The following KIF21A variants were observed in gnomAD, a reference collection of about 807,000 sequenced individuals.
The protein encoded by KIF21A is kinesin-like protein KIF21A.
KIF21A carries 114 observed loss-of-function variants against 202.9 expected under a neutral mutation model. The observed-to-expected ratio is 0.56, with a 90% confidence interval of 0.48 to 0.66. KIF21A has a LOEUF of 0.66. Among genes scored for constraint, KIF21A ranks in the 30% least tolerant of loss-of-function variants. The probability of loss-of-function intolerance (pLI) is 0.00; values close to 1 mark genes in which losing one functional copy is unlikely to be tolerated. For missense variants in KIF21A, 1,677 were observed against 1,994.9 expected (o/e 0.84, Z 3.04); for synonymous variants, 667 against 670.8 (o/e 0.99, Z 0.09).
At chr12:39,296,559 G>C (rs1050515175) in intron 37 of KIF21A, among the ~76,000 whole-genome samples, 1 of 152,170 alleles carries the variant, frequency 6.6e-6, no homozygotes, top group African/African-American at 2.4e-5. Flanking sequence ...AGGGGACCTG[G>C]AGTGCTAGGT....
chr12:39,325,194 A>C (rs1372297355), intron 26 of KIF21A, among the ~76,000 whole-genome samples: 3 of 152,216 alleles, frequency 2.0e-5, no homozygotes, highest in African/African-American at 7.2e-5. Context: ...ATCTCCTGCC[A>C]ATCTAAATGA....
chr12:39,311,073 G>A (rs770905966), intron 32 of KIF21A, among the ~76,000 whole-genome samples: 7 of 151,886 alleles, frequency 4.6e-5, no homozygotes, highest in Non-Finnish European at 8.8e-5. Context: ...CAGAAATAGT[G>A]GTTGCTATGC....
intron 34 of KIF21A, among the ~76,000 whole-genome samples, chr12:39,305,154 C>G (rs970122602): frequency 8.6e-5 from 13 of 151,498 alleles, no homozygotes; most frequent in Non-Finnish European, 1.6e-4. Context: ...TCACCTGAGG[C>G]CAGGAGTTTG....
intron 1 of KIF21A, among the ~76,000 whole-genome samples, chr12:39,382,661 T>C (rs1411601334): frequency 2.0e-5 from 3 of 152,224 alleles, no homozygotes; most frequent in African/African-American, 4.8e-5. Flanking sequence ...CTTACTGTCA[T>C]GCTTACTAAG....
intron 1 of KIF21A, among the ~76,000 whole-genome samples, chr12:39,383,985 T>C (rs1950782872): frequency 6.6e-6 from 1 of 152,104 alleles, no homozygotes; most frequent in Admixed American, 6.6e-5. Context: ...TTCTAATACA[T>C]TTCAGGTGAT....
Position 39,293,249 on chromosome 12 carries a change from A to C in KIF21A, c.*1175T>G, listed in dbSNP as rs1015234068. The stretch of plus-strand genomic sequence containing the variant: ...AAAATAATTTCATAGCAACATGTTT[A>C]TTTAAGCCCTAGCTAAGTTTTCATT... On this transcript the variant is annotated 3_prime_UTR_variant, in exon 38 of 38. Coordinates refer to ENST00000361418, the MANE Select transcript of KIF21A (RefSeq NM_001173464.2). 1 of 152,250 alleles carries C rather than the reference A, an allele frequency of 6.6e-6. No homozygotes were observed. Among genetic ancestry groups the C allele is most frequent in the African/African-American group, 2.4e-5 (1 of 41,476 alleles). 9.4% of individuals were successfully genotyped at this position (152,250 alleles called of 1,614,324 possible).
chr12:39,355,026 T>G (rs1269319434), intron 10 of KIF21A, among the ~76,000 whole-genome samples: 1 of 152,156 alleles, frequency 6.6e-6, no homozygotes, highest in Non-Finnish European at 1.5e-5. Flanking sequence ...TTATCCCATA[T>G]GTAAATTATA....
intron 1 of KIF21A, among the ~76,000 whole-genome samples, chr12:39,435,728 A>C (rs1938597340): frequency 6.6e-6 from 1 of 151,918 alleles, no homozygotes; most frequent in Non-Finnish European, 1.5e-5. Flanking sequence ...ATGTGCCATA[A>C]TCCTTTAGTC....
intron 28 of KIF21A, among the ~76,000 whole-genome samples, chr12:39,318,910 G>C (rs1565730319): frequency 6.6e-6 from 1 of 152,102 alleles, no homozygotes; most frequent in African/African-American, 2.4e-5. Context: ...GAACCCGGGA[G>C]GCGGAGTTTG....
chr12:39,349,942 A>C (rs2138636876), intron 11 of KIF21A, among the ~76,000 whole-genome samples: 1 of 152,134 alleles, frequency 6.6e-6, no homozygotes, highest in Non-Finnish European at 1.5e-5. Context: ...GTGTCAGTGT[A>C]CGAAGGTACA....
chr12:39,353,848 C>A (rs1381603170), intron 10 of KIF21A, among the ~76,000 whole-genome samples: 2 of 152,130 alleles, frequency 1.3e-5, no homozygotes, highest in East Asian at 1.9e-4. Flanking sequence ...GAGAACATCT[C>A]TCTTTCCCCA....
intron 37 of KIF21A, among the ~76,000 whole-genome samples, chr12:39,298,087 T>C (rs1211550998): frequency 6.6e-6 from 1 of 151,996 alleles, no homozygotes; most frequent in African/African-American, 2.4e-5. Context: ...AGCAGCTGTT[T>C]TCAGACACTA....
intron 1 of KIF21A, among the ~76,000 whole-genome samples, chr12:39,425,725 T>A (rs1954689860): frequency 6.6e-6 from 1 of 152,004 alleles, no homozygotes; most frequent in South Asian, 2.1e-4. Flanking sequence ...AGGCATATAT[T>A]ATCAATATCC....
chr12:39,388,161 G>T (rs1351927758), intron 1 of KIF21A, among the ~76,000 whole-genome samples: 1 of 152,174 alleles, frequency 6.6e-6, no homozygotes, highest in Admixed American at 6.6e-5. Context: ...GATCCCTCAT[G>T]AATAGATTAA....
intron 1 of KIF21A, among the ~76,000 whole-genome samples, chr12:39,440,615 A>G (rs769224653): frequency 2.0e-5 from 3 of 152,256 alleles, no homozygotes; most frequent in Admixed American, 6.5e-5. Context: ...AATGAACAAT[A>G]TAAGTCCAAA....
intron 1 of KIF21A, among the ~76,000 whole-genome samples, chr12:39,388,943 G>C: frequency 6.6e-6 from 1 of 151,954 alleles, no homozygotes; most frequent in East Asian, 1.9e-4. Flanking sequence ...TGTAAACACA[G>C]GTAAAAATGC....
At chr12:39,387,161 T>TAC (rs3036323) in intron 1 of KIF21A, among the ~76,000 whole-genome samples, 19,559 of 138,076 alleles carry the variant, frequency 0.14, 1,311 homozygotes, top group East Asian at 0.17. Context: ...ATGCAGTAGT[T>TAC]ACACACACAC....
In KIF21A at chr12:39,294,329, C is replaced by A; in HGVS notation, c.*95G>T. ...GATATATTTTCCAGTTAATCCGATT[C>A]ATACGTTTTGCCTAGTAAGTACAGG... On this transcript the variant is annotated 3_prime_UTR_variant, in exon 38 of 38. Transcript: ENST00000361418. The A allele has an allele frequency of 4.6e-6, 4 of 863,982 alleles. No homozygotes were observed. The highest frequency in any genetic ancestry group is 7.9e-6 in the Non-Finnish European group (4 of 505,360). 53.5% of individuals were successfully genotyped at this position (863,982 alleles called of 1,614,324 possible).
intron 1 of KIF21A, among the ~76,000 whole-genome samples, chr12:39,415,392 A>C (rs1209251015): frequency 1.3e-5 from 2 of 151,616 alleles, no homozygotes; most frequent in Non-Finnish European, 2.9e-5. Flanking sequence ...GGCGCCCGCC[A>C]CCACGCCCGG....
Sources: gnomAD v4.1 joint callset for allele counts (sites outside exome capture counted in the v4.1 genomes callset) on GRCh38, gnomAD v4.1.1 for gene constraint, MANE v1.5 for transcripts, NCBI Gene and HGNC (gene_info 2026-07-23, HGNC 2026-07-21) for gene names.